The following MMEL1 variants were observed in gnomAD, a reference collection of about 807,000 sequenced individuals.
MMEL1 encodes membrane metalloendopeptidase like 1.
A neutral mutation model predicts 117.1 loss-of-function variants in MMEL1; 98 were observed. That is an observed-to-expected ratio of 0.84 (90% CI 0.71 to 0.99). MMEL1 has a LOEUF of 0.99. MMEL1 is among the 50% of genes least tolerant of loss of function. The probability of loss-of-function intolerance (pLI) is 0.00; values close to 1 mark genes in which losing one functional copy is unlikely to be tolerated. For missense variants in MMEL1, 1,014 were observed against 1,049.1 expected, an observed-to-expected ratio of 0.97 and a Z score of 0.46; for synonymous variants, 390 against 415.1, an observed-to-expected ratio of 0.94 and a Z score of 0.74.
rs546506983 is a variant in MMEL1, at chr1:2,604,173, G to A, written c.925C>T (p.Leu309=). 356 of 1,537,226 alleles carry A rather than the reference G, an allele frequency of 2.3e-4. 2 individuals carry two copies. In the South Asian group the frequency reaches 3.8e-3, roughly 16 times the overall value. Residue 309 remains leucine, a synonymous_variant, in exon 10 of 24, where the codon CTG becomes TTG. Transcript: ENST00000378412. The part of the protein sequence containing the change: ...CLVQEDMVQV[L]ELETQLAKAT... ...TTGGCCAGCTGTGTCTCCAGCTCCA[G>A]CACCTGCACCATGTCCTCCTGCACC...
chr1:2,594,655 C>A (rs1644802249), intron 17 of MMEL1, 135 bp downstream of exon 17: 1 of 898,844 alleles, frequency 1.1e-6, no homozygotes, highest in South Asian at 1.6e-5. Context: ...CCAAGATAGG[C>A]CCAGTGACTG....
At chr1:2,591,755 G>C in intron 22 of MMEL1, 122 bp from the exon 23 acceptor site, 1 of 1,035,778 alleles carries the variant, frequency 9.7e-7, no homozygotes, top group Non-Finnish European at 1.5e-6. Flanking sequence ...GTCAGCAGGT[G>C]CTCCCCTCCT....
At chr1:2,594,288 G>A in intron 18 of MMEL1, 97 bp downstream of exon 18, 1 of 1,281,692 alleles carries the variant, frequency 7.8e-7, no homozygotes, top group Non-Finnish European at 1.1e-6. Context: ...ACAGGCTGGG[G>A]TGCCCCCAGG....
chr1:2,619,663 A>G lies in MMEL1; in HGVS notation c.155-7459T>C, dbSNP rs1170862550. On this transcript the variant is annotated intron_variant, in intron 2 of 23. Coordinates refer to ENST00000378412, the MANE Select transcript of MMEL1 (RefSeq NM_033467.4). The stretch of plus-strand genomic sequence containing the variant: ...ACAGAGTGAGACTCTATCAAAAAAA[A>G]AAAAAAAAAAAATCAAAAGCAAGAA... Among the ~76,000 whole-genome samples, 5 of 152,170 alleles carry G rather than the reference A, an allele frequency of 3.3e-5. No individual in the cohort carries two copies. In the East Asian group the frequency reaches 7.7e-4, roughly 23 times the overall value.
In MMEL1 at chr1:2,604,252, C is replaced by T. The variant is rs771764161; in HGVS notation, c.846G>A (p.Val282=). The change falls in exon 10 of 24, where the codon GTG becomes GTA. Residue 282 remains valine, a synonymous_variant. Transcript: ENST00000378412. The stretch of plus-strand genomic sequence containing the variant: ...CCTCCCGCAGCAACGTGGCCACTGA[C>T]ACCATGAACTGCAGGTAGGCTTCCC... ...KVREAYLQFM[V]SVATLLREDA... is the part of the protein sequence containing the mutation. 3 of 1,612,788 alleles carry T rather than the reference C, an allele frequency of 1.9e-6. No individual in the cohort carries two copies. Among genetic ancestry groups the T allele is most frequent in the Admixed American group, 3.3e-5 (2 of 60,004 alleles).
chr1:2,591,823 C>T (rs1644720075), intron 22 of MMEL1, 109 bp downstream of exon 22: 1 of 1,222,480 alleles, frequency 8.2e-7, no homozygotes, highest in Non-Finnish European at 1.2e-6. Context: ...GCTTTTCCCC[C>T]AAGGGGCCTT....
At position 2,595,748 on chromosome 1, in the gene MMEL1, T is replaced by C. The variant is rs763625287; in HGVS notation, c.1500+261A>G. On this transcript the variant is annotated intron_variant, in intron 15 of 23. Coordinates refer to ENST00000378412, the MANE Select transcript of MMEL1 (RefSeq NM_033467.4). This position sits in a 1 kb window ranked among gnomAD's most constrained non-coding sequence, Gnocchi z 4.8. Reference sequence around the variant, plus strand: ...GCTGGCTCATGGGGGGTGCTGGGGATGTCCCAGGCCTGGTTCCTGCCCCTG... The same window carrying C: ...GCTGGCTCATGGGGGGTGCTGGGGACGTCCCAGGCCTGGTTCCTGCCCCTG... 7.9e-5 allele frequency among the ~76,000 whole-genome samples: 12 copies of C among 152,120 alleles called. No homozygotes were observed. The highest frequency in any genetic ancestry group is 1.8e-4 in the Non-Finnish European group (12 of 68,006).
chr1:2,614,956 A>G (rs1248065603), intron 2 of MMEL1, among the ~76,000 whole-genome samples: 1 of 152,084 alleles, frequency 6.6e-6, no homozygotes, highest in African/African-American at 2.4e-5. Flanking sequence ...AGAGGGTCAT[A>G]GAAGCAACTG....
Position 2,596,086 on chromosome 1 carries a change from C to G in MMEL1, c.1423G>C (p.Val475Leu), listed in dbSNP as rs537476440. 1 of 1,614,032 alleles carries G rather than the reference C, an allele frequency of 6.2e-7. No homozygotes were observed. Among genetic ancestry groups the G allele is most frequent in the Admixed American group, 1.7e-5 (1 of 60,014 alleles). Residue 475 changes from valine to leucine, a missense_variant, in exon 15 of 24, where the codon GTG becomes CTG. Coordinates refer to ENST00000378412, the MANE Select transcript of MMEL1 (RefSeq NM_033467.4). The part of the protein sequence containing the change: ...KSMVRELIDK[V>L]RTVFVETLDE... ...AGCGTCTCCACAAACACTGTCCGCA[C>G]CTTGTCAATGAGTTCTCTGACCTGG...
chr1:2,622,137 C>G lies in MMEL1; in HGVS notation c.154+7194G>C, dbSNP rs562818449. On this transcript the variant is annotated intron_variant, in intron 2 of 23. Coordinates refer to ENST00000378412, the MANE Select transcript of MMEL1 (RefSeq NM_033467.4). ...AAAATATGTTTCTGTTTTTAAGCCA[C>G]CTGAGCATTTTGTGACTGTAGCCCA... Among the ~76,000 whole-genome samples, 63 of 152,282 alleles carry G rather than the reference C, an allele frequency of 4.1e-4. 1 individual carries two copies. Among genetic ancestry groups the G allele is most frequent in the African/African-American group, 1.5e-3 (62 of 41,552 alleles).
At chr1:2,591,152 G>A in intron 23 of MMEL1, 63 bp from the exon 24 acceptor site, 1 of 1,214,296 alleles carries the variant, frequency 8.2e-7, no homozygotes, top group Non-Finnish European at 1.1e-6. Context: ...GCCATTTTAA[G>A]TTCTCCGTGA....
intron 23 of MMEL1, 150 bp from the exon 24 acceptor site, chr1:2,591,239 C>A: frequency 1.6e-6 from 1 of 607,420 alleles, no homozygotes; most frequent in Non-Finnish European, 2.9e-6. Flanking sequence ...GAGATAAACC[C>A]CCATCTGACC....
At chr1:2,625,982 T>G (rs532456934) in intron 2 of MMEL1, among the ~76,000 whole-genome samples, 3 of 152,162 alleles carry the variant, frequency 2.0e-5, no homozygotes, top group Non-Finnish European at 4.4e-5. Flanking sequence ...CTGCATGATA[T>G]GAAGGCACCA....
At chr1:2,604,423 C>G in intron 9 of MMEL1, 142 bp from the exon 10 acceptor site, 1 of 1,206,606 alleles carries the variant, frequency 8.3e-7, no homozygotes, top group Non-Finnish European at 1.2e-6. Context: ...GGCTCTCGGG[C>G]ACACAGAGTG....
chr1:2,596,002 C>A lies in MMEL1; in HGVS notation c.1500+7G>T, dbSNP rs1187644265. On this transcript the variant is annotated splice_region_variant and intron_variant, in intron 15 of 23. Transcript: ENST00000378412. ...CGGGGCTGCCCTGACCTCTGCGAGC[C>A]ACATACCTTCTCCTGCGCCTTCTTC... The A allele has an allele frequency of 6.2e-7, 1 of 1,613,206 alleles. No homozygotes were observed.
chr1:2,611,314 C>T lies in MMEL1; in HGVS notation c.259G>A (p.Glu87Lys), dbSNP rs548134814. 3.8e-6 allele frequency: 6 copies of T among 1,565,778 alleles called. No individual in the cohort carries two copies. Among genetic ancestry groups the T allele is most frequent in the East Asian group, 2.4e-5 (1 of 42,034 alleles). ...RGIPEAQEVS[E>K]VCTTPGCVIA... ...ACGCAGCCAGGGGTGGTGCAGACCTCGCTCACCTCTTGGGCCTCTGGGATC... is the reference window on the plus strand; with the variant it reads ...ACGCAGCCAGGGGTGGTGCAGACCTTGCTCACCTCTTGGGCCTCTGGGATC... The change falls in exon 4 of 24, where the codon GAG becomes AAG. Residue 87 changes from glutamate to lysine, a missense_variant. Transcript: ENST00000378412.
intron 1 of MMEL1, 151 bp downstream of exon 1, chr1:2,632,715 G>T: frequency 3.5e-6 from 1 of 283,062 alleles, no homozygotes; most frequent in Non-Finnish European, 5.3e-6. Context: ...GCCTGCCCTG[G>T]CACAGGCGAG....
chr1:2,594,094 G>C (rs1644791039), intron 18 of MMEL1, 161 bp from the exon 19 acceptor site: 3 of 1,035,096 alleles, frequency 2.9e-6, no homozygotes, highest in African/African-American at 3.2e-5. Flanking sequence ...CGGAGGTTCA[G>C]AGGCTGGGCG....
chr1:2,604,371 A>T, intron 9 of MMEL1, 90 bp from the exon 10 acceptor site: 1 of 1,548,320 alleles, frequency 6.5e-7, no homozygotes, highest in Non-Finnish European at 8.8e-7. Context: ...GGCGTAGGAC[A>T]TGGGGAAGCC....
Sources: allele counts gnomAD v4.1 joint callset (sites outside exome capture counted in the v4.1 genomes callset), GRCh38; gene constraint gnomAD v4.1.1; non-coding constraint Gnocchi (gnomAD v3.1); transcripts MANE v1.5; gene names NCBI Gene and HGNC (gene_info 2026-07-23, HGNC 2026-07-21).